Variants in SLC38A9 observed in about 807,000 individuals in gnomAD.
SLC38A9 encodes solute carrier family 38 member 9.
SLC38A9 carries 48 observed loss-of-function variants against 62.3 expected under a neutral mutation model. The observed-to-expected ratio is 0.77, with a 90% CI of 0.61 to 0.98. SLC38A9 has a LOEUF of 0.98. SLC38A9 is among the 50% of genes least tolerant of loss of function. SLC38A9 has a pLI of 0.00. For synonymous variants in SLC38A9, 204 were observed against 227.7 expected (o/e 0.90, Z 0.94); for missense variants, 541 against 679.8 (o/e 0.80, Z 2.27).
In SLC38A9 at chr5:55,672,637, T is replaced by C; in HGVS notation, c.172A>G (p.Ser58Gly). 1 of 1,614,122 alleles carries C rather than the reference T, an allele frequency of 6.2e-7. No individual in the cohort carries two copies. The highest frequency in any genetic ancestry group is 8.5e-7 in the Non-Finnish European group (1 of 1,179,970). ...VNVNHVIQRV[S>G]DHASAMNKRI... ...TTGTTCATGGCAGAGGCATGGTCAC[T>C]AACCCTCTGAATGACATGATTCACA... The change falls in exon 4 of 16, where the codon AGT (serine) becomes GGT (glycine). Residue 58 changes from serine (S) to glycine (G), a missense_variant. Physicochemically the swap from Ser to Gly is moderately conservative, Grantham distance 56 (BLOSUM62 0). Transcript: ENST00000396865.
In SLC38A9 at chr5:55,626,622, T is replaced by G. The variant is rs1486511363; in HGVS notation, c.1558A>C (p.Ile520Leu). 6.2e-7 allele frequency: 1 copy of G among 1,613,290 alleles called. No individual in the cohort carries two copies. Among genetic ancestry groups the G allele is most frequent in the African/African-American group, 1.3e-5 (1 of 74,866 alleles). ...GAACGLAFVF[I>L]YPSLIYIISL... ...ATTATATAGATGAGAGATGGGTATA[T>G]GAATACAAAGGCCAGTCCACATGCT... The change falls in exon 16 of 16, where the codon ATA (isoleucine) becomes CTA (leucine). Residue 520 changes from isoleucine (I) to leucine (L), a missense_variant. By Grantham distance (5) the Ile-to-Leu change is conservative (BLOSUM62 2). Transcript: ENST00000396865.
chr5:55,671,254 C>T (rs150043554), intron 4 of SLC38A9, among the ~76,000 whole-genome samples: 254 of 152,110 alleles, frequency 1.7e-3, no homozygotes, highest in Middle Eastern at 0.014. Context: ...CAACAAACTC[C>T]GGCCCATAGG....
intron 2 of SLC38A9, among the ~76,000 whole-genome samples, chr5:55,700,359 C>CAAAAAAAAAAAAAAAAAAAAAAAAAA (rs145225219): frequency 7.2e-6 from 1 of 138,984 alleles, no homozygotes; most frequent in Non-Finnish European, 1.5e-5. Context: ...ATAAAACAAG[C>CAAAAAAAAAAAAAAAAAAAAAAAAAA]CAAAAAAAAA....
chr5:55,695,359 A>G lies in SLC38A9; in HGVS notation c.113+2487T>C, dbSNP rs557162004. Among the ~76,000 whole-genome samples, 16 of 113,354 alleles carry G rather than the reference A, an allele frequency of 1.4e-4. 2 individuals carry two copies. Among genetic ancestry groups the G allele is most frequent in the Non-Finnish European group, 2.1e-4 (11 of 51,222 alleles). The allele number at this position is 113,354 out of a possible 152,430, so 74.4% of individuals were successfully genotyped here. On this transcript the variant is annotated intron_variant, in intron 3 of 15. Coordinates refer to ENST00000396865, the MANE Select transcript of SLC38A9 (RefSeq NM_173514.4). ...ATAGGACAATAGTGGAGGGAAGGTC[A>G]GCAGATAAACAAGTGAACAAAGGTC...
chr5:55,675,064 A>G (rs1751889687), intron 3 of SLC38A9, among the ~76,000 whole-genome samples: 1 of 152,246 alleles, frequency 6.6e-6, no homozygotes, highest in Admixed American at 6.5e-5. Context: ...GATTACCAAA[A>G]GAGACTGATA....
At chr5:55,657,546 C>T (rs990490937) in intron 8 of SLC38A9, among the ~76,000 whole-genome samples, 4 of 149,154 alleles carry the variant, frequency 2.7e-5, no homozygotes, top group Admixed American at 1.3e-4. Flanking sequence ...AGGCCATATA[C>T]GAATTGTTAT....
chr5:55,662,201 A>AT (rs1414119208), intron 8 of SLC38A9, among the ~76,000 whole-genome samples: 1 of 152,266 alleles, frequency 6.6e-6, no homozygotes, highest in Non-Finnish European at 1.5e-5. Flanking sequence ...AGGATGTTTA[A>AT]TAAAGCCTTG....
intron 8 of SLC38A9, among the ~76,000 whole-genome samples, chr5:55,662,728 A>G (rs1465251721): frequency 2.0e-5 from 3 of 151,386 alleles, no homozygotes; most frequent in Non-Finnish European, 2.9e-5. Flanking sequence ...TGTTGCTCAT[A>G]TATTCATGTA....
chr5:55,645,465 G>T (rs1312033349), intron 12 of SLC38A9, among the ~76,000 whole-genome samples: 1 of 152,186 alleles, frequency 6.6e-6, no homozygotes, highest in African/African-American at 2.4e-5. Context: ...GCCAAATCTT[G>T]TCTGATGTCT....
intron 2 of SLC38A9, among the ~76,000 whole-genome samples, chr5:55,710,921 A>T (rs895709596): frequency 3.3e-5 from 5 of 151,880 alleles, no homozygotes; most frequent in Non-Finnish European, 7.4e-5. Flanking sequence ...CCTGGCCAAA[A>T]CGTTTTTAAA....
At chr5:55,669,905 T>A (rs1751021545) in intron 4 of SLC38A9, 26 bp from the exon 5 acceptor site, 1 of 1,569,020 alleles carries the variant, frequency 6.4e-7, no homozygotes, top group South Asian at 1.2e-5. Context: ...CATAGATAAA[T>A]TTCAGAACCA....
intron 10 of SLC38A9, among the ~76,000 whole-genome samples, chr5:55,651,363 C>T (rs183782655): frequency 2.9e-4 from 43 of 148,950 alleles, no homozygotes; most frequent in African/African-American, 1.0e-3. Context: ...CAATTCTCTG[C>T]CTCAGCCTCC....
intron 2 of SLC38A9, among the ~76,000 whole-genome samples, chr5:55,710,323 A>T (rs369979861): frequency 6.8e-6 from 1 of 146,700 alleles, no homozygotes; most frequent in African/African-American, 2.5e-5. Flanking sequence ...CTGCCTCAGC[A>T]TCCCAAGTAG....
chr5:55,692,650 A>G, intron 3 of SLC38A9: 1 of 985,344 alleles, frequency 1.0e-6, no homozygotes, highest in Non-Finnish European at 1.2e-6. Flanking sequence ...AAGTTTCATT[A>G]TAGAAAATAT....
At chr5:55,676,721 T>C (rs1257968880) in intron 3 of SLC38A9, among the ~76,000 whole-genome samples, 2 of 152,176 alleles carry the variant, frequency 1.3e-5, no homozygotes, top group East Asian at 1.9e-4. Context: ...CGACGACACA[T>C]AGGTGTCAAT....
In SLC38A9 at chr5:55,643,604, T is replaced by C. The variant is rs147303339; in HGVS notation, c.1167+2185A>G. 2.4e-4 allele frequency among the ~76,000 whole-genome samples: 36 copies of C among 152,354 alleles called. No homozygotes were observed. The East Asian group carries it at 6.4e-3, about 27-fold the overall frequency. ...TACTGATTTTAATCTATTTGTTCTA[T>C]CAATTACTTGAAGGAGGGTGATAAA... On this transcript the variant is annotated intron_variant, in intron 12 of 15. Transcript: ENST00000396865.
intron 8 of SLC38A9, among the ~76,000 whole-genome samples, chr5:55,660,955 T>A (rs1433477039): frequency 1.5e-5 from 2 of 134,252 alleles, no homozygotes; most frequent in Non-Finnish European, 3.3e-5. Context: ...TGTTTTTTTG[T>A]ATGTGTTTGA....
At chr5:55,660,370 C>T (rs1470899286) in intron 8 of SLC38A9, among the ~76,000 whole-genome samples, 3 of 152,132 alleles carry the variant, frequency 2.0e-5, no homozygotes, top group African/African-American at 4.8e-5. Context: ...GTTGTGATCA[C>T]ACCACTGCAC....
chr5:55,649,093 T>C, intron 11 of SLC38A9, 114 bp downstream of exon 11: 1 of 534,900 alleles, frequency 1.9e-6, no homozygotes, highest in Non-Finnish European at 3.2e-6. Flanking sequence ...TTTAACTTAA[T>C]AGCATTTATA....
Sources: gnomAD v4.1 joint callset for allele counts (sites outside exome capture counted in the v4.1 genomes callset) on GRCh38, gnomAD v4.1.1 for gene constraint, MANE v1.5 for transcripts, NCBI Gene and HGNC (gene_info 2026-07-23, HGNC 2026-07-21) for gene names.